REV3L: variants seen among roughly 807,000 people sequenced by gnomAD.
REV3L encodes the protein REV3 like, DNA directed polymerase zeta catalytic subunit, also known as DNA polymerase zeta catalytic subunit.
In REV3L, 69 loss-of-function variants were observed where a neutral mutation model predicts 299.4. That is an observed-to-expected ratio of 0.23 (90% CI 0.19 to 0.28). The LOEUF is 0.28. Among genes scored for constraint, REV3L ranks in the 10% least tolerant of loss-of-function variants. The pLI is 1.00. For synonymous variants in REV3L, 1,238 were observed against 1,271.4 expected, an observed-to-expected ratio of 0.97 and a Z score of 0.56; for missense variants, 3,128 against 3,693.8, an observed-to-expected ratio of 0.85 and a Z score of 3.97.
At chr6:111,383,588 C>A (rs1052250601) in intron 9 of REV3L, among the ~76,000 whole-genome samples, 2 of 152,078 alleles carry the variant, frequency 1.3e-5, no homozygotes, top group African/African-American at 2.4e-5. Context: ...CTATAAAACA[C>A]TGATGCAAGA....
chr6:111,326,067 C>T (rs879635109), intron 25 of REV3L, among the ~76,000 whole-genome samples: 9 of 152,146 alleles, frequency 5.9e-5, no homozygotes, highest in African/African-American at 2.2e-4. Context: ...TAATGTCCTT[C>T]AGTTCCATCC....
At chr6:111,366,399 A>G (rs1779216488) in intron 14 of REV3L, among the ~76,000 whole-genome samples, 1 of 152,214 alleles carries the variant, frequency 6.6e-6, no homozygotes, top group African/African-American at 2.4e-5. Context: ...TAGATCATTT[A>G]GAGAAAGATA....
At chr6:111,319,732 C>T (rs1773929405) in intron 26 of REV3L, among the ~76,000 whole-genome samples, 1 of 152,114 alleles carries the variant, frequency 6.6e-6, no homozygotes, top group Non-Finnish European at 1.5e-5. Context: ...GGCAACTAAG[C>T]CTCAGAGAGG....
intron 10 of REV3L, among the ~76,000 whole-genome samples, chr6:111,380,602 T>C (rs915286534): frequency 1.1e-4 from 16 of 152,314 alleles, no homozygotes; most frequent in African/African-American, 2.9e-4. Flanking sequence ...CAGAATAAAA[T>C]AACAACATCA....
intron 15 of REV3L, 27 bp downstream of exon 15, chr6:111,365,238 A>T (rs1358940697): frequency 7.8e-7 from 1 of 1,282,996 alleles, no homozygotes; most frequent in African/African-American, 1.5e-5. Flanking sequence ...TCTTCCACTG[A>T]TCTTTAAAAA....
At chr6:111,323,676 C>G (rs1774440937) in intron 25 of REV3L, among the ~76,000 whole-genome samples, 1 of 152,042 alleles carries the variant, frequency 6.6e-6, no homozygotes, top group South Asian at 2.1e-4. Flanking sequence ...ATTAAGGAGA[C>G]TATATAACAA....
intron 1 of REV3L, among the ~76,000 whole-genome samples, chr6:111,474,264 C>T (rs533665917): frequency 2.0e-5 from 3 of 152,264 alleles, no homozygotes; most frequent in East Asian, 1.9e-4. Context: ...GCATATCAAA[C>T]GCACGTGGTG....
At chr6:111,478,647 T>G (rs1243309892) in intron 1 of REV3L, among the ~76,000 whole-genome samples, 1 of 150,648 alleles carries the variant, frequency 6.6e-6, no homozygotes, top group Non-Finnish European at 1.5e-5. Context: ...AAAAAAAAGG[T>G]TATTCTGGTA....
intron 4 of REV3L, among the ~76,000 whole-genome samples, chr6:111,401,699 A>C (rs1783096661): frequency 6.6e-6 from 1 of 150,968 alleles, no homozygotes; most frequent in Non-Finnish European, 1.5e-5. Context: ...AAAAAAGTTT[A>C]AATGCATAAG....
Position 111,374,163 on chromosome 6 carries a change from C to A in REV3L, c.4192G>T (p.Gly1398Ter). The A allele has an allele frequency of 6.2e-7, 1 of 1,614,002 alleles. No individual in the cohort carries two copies. Among genetic ancestry groups the A allele is most frequent in the South Asian group, 1.1e-5 (1 of 91,066 alleles). The part of the protein sequence containing the change: ...NIQRNYLSSI[G>*]KLSEYRNSLE... ...GAATTGCGATATTCACTTAACTTTCCGATTGATGACAAATAGTTTCTTTGT... is the reference window on the plus strand; with the variant it reads ...GAATTGCGATATTCACTTAACTTTCAGATTGATGACAAATAGTTTCTTTGT... Residue 1398 changes from glycine to a stop codon, truncating the protein, a stop_gained, in exon 13 of 32, where the codon GGA (glycine) becomes TGA (stop). Transcript: ENST00000368802. LOFTEE classifies it high-confidence loss of function.
At chr6:111,429,256 C>T (rs1392115826) in intron 1 of REV3L, among the ~76,000 whole-genome samples, 1 of 152,082 alleles carries the variant, frequency 6.6e-6, no homozygotes, top group African/African-American at 2.4e-5. Context: ...TCAAGCAATC[C>T]TCCCATCTCT....
At chr6:111,409,360 CTT>C (rs35615971) in intron 3 of REV3L, among the ~76,000 whole-genome samples, 20 of 135,330 alleles carry the variant, frequency 1.5e-4, no homozygotes, top group Admixed American at 1.0e-3. Context: ...GTGAAACCGG[CTT>C]TTTTTTTTTT....
At chr6:111,300,604 G>C (rs1465837344) in intron 31 of REV3L, among the ~76,000 whole-genome samples, 1 of 152,180 alleles carries the variant, frequency 6.6e-6, no homozygotes, top group Non-Finnish European at 1.5e-5. Flanking sequence ...CATAAATTGT[G>C]AAGATTTCAT....
At chr6:111,464,794 G>C (rs141989709) in intron 1 of REV3L, among the ~76,000 whole-genome samples, 1 of 152,208 alleles carries the variant, frequency 6.6e-6, no homozygotes, top group Non-Finnish European at 1.5e-5. Context: ...CTGAGCTCAG[G>C]AGTTCAAGAC....
chr6:111,447,875 C>T (rs1399536176), intron 1 of REV3L, among the ~76,000 whole-genome samples: 2 of 152,188 alleles, frequency 1.3e-5, no homozygotes, highest in African/African-American at 4.8e-5. Context: ...AACCAAATGT[C>T]TCTACTACTA....
intron 5 of REV3L, 159 bp downstream of exon 5, chr6:111,392,717 C>T: frequency 4.0e-6 from 2 of 494,544 alleles, no homozygotes; most frequent in Non-Finnish European, 7.3e-6. Flanking sequence ...ATCGTTTATT[C>T]CTTGTAATAC....
At position 111,374,867 on chromosome 6, in the gene REV3L, C is replaced by G. The variant is rs186625554; in HGVS notation, c.3488G>C (p.Arg1163Pro). ...PNVYKKTVNS[R>P]IGKTSRARAQ... is the part of the protein sequence containing the mutation. ...TCTTGCGCGACTAGTTTTTCCTATACGAGAATTAACAGTCTTCTTATATAC... is the reference window on the plus strand; with the variant it reads ...TCTTGCGCGACTAGTTTTTCCTATAGGAGAATTAACAGTCTTCTTATATAC... Residue 1163 changes from arginine (R) to proline (P), a missense_variant, in exon 13 of 32, where the codon CGT becomes CCT. Coordinates refer to ENST00000368802, the MANE Select transcript of REV3L (RefSeq NM_001372078.1). The G allele has an allele frequency of 3.7e-6, 6 of 1,613,754 alleles. No homozygotes were observed. The South Asian group carries it at 5.5e-5, about 15-fold the overall frequency.
At chr6:111,399,580 C>CT (rs1300590356) in intron 4 of REV3L, among the ~76,000 whole-genome samples, 1 of 152,168 alleles carries the variant, frequency 6.6e-6, no homozygotes, top group African/African-American at 2.4e-5. Flanking sequence ...TCTTTCCTTG[C>CT]TTTTCATGAC....
intron 1 of REV3L, among the ~76,000 whole-genome samples, chr6:111,424,608 C>G (rs1003904826): frequency 7.9e-5 from 12 of 152,196 alleles, no homozygotes; most frequent in Non-Finnish European, 1.6e-4. Context: ...TCCATAGCAG[C>G]TGTAAAAACC....
Sources: allele counts gnomAD v4.1 joint callset (sites outside exome capture counted in the v4.1 genomes callset), GRCh38; gene constraint gnomAD v4.1.1; transcripts MANE v1.5; gene names NCBI Gene and HGNC (gene_info 2026-07-23, HGNC 2026-07-21).